CAD: variants seen among roughly 807,000 people sequenced by gnomAD.
The protein encoded by CAD is multifunctional protein CAD.
In CAD, 81 loss-of-function variants were observed where a neutral mutation model predicts 237.2. The ratio of observed to expected loss-of-function variants is 0.34; its 90% CI spans 0.29 to 0.41. The LOEUF (loss-of-function observed/expected upper bound fraction) is 0.41. Among genes scored for constraint, CAD ranks in the 10% least tolerant of loss-of-function variants. The pLI, the probability that CAD is intolerant of heterozygous loss-of-function variation, is 1.00. For missense variants in CAD, 2,181 were observed against 2,951.7 expected (o/e 0.74, Z 6.05); for synonymous variants, 1,196 against 1,162.8 (o/e 1.03, Z -0.58).
intron 3 of CAD, 151 bp downstream of exon 3, chr2:27,221,498 AT>A: frequency 1.4e-6 from 1 of 729,316 alleles, no homozygotes; most frequent in East Asian, 3.4e-5. Flanking sequence ...GAATTGAACT[AT>A]CACTCAGAAA....
At chr2:27,229,689 A>G (rs1188194293) in intron 15 of CAD, among the ~76,000 whole-genome samples, 1 of 151,850 alleles carries the variant, frequency 6.6e-6, no homozygotes, top group Non-Finnish European at 1.5e-5. Flanking sequence ...TAGCCTGGCC[A>G]ATATGGTGAA....
In CAD at chr2:27,240,613, G is replaced by A. The variant is rs912202595; in HGVS notation, c.5593+252G>A. On this transcript the variant is annotated intron_variant, in intron 35 of 43. Coordinates refer to ENST00000264705, the MANE Select transcript of CAD (RefSeq NM_004341.5). The surrounding 1 kb of genome is among the most constrained non-coding windows in gnomAD (Gnocchi z 4.6). ...CTGGGATCCCACGGGGCAGCAGAGC[G>A]TGGGGTAAATCCAGGTTGTTGGTTG... 19 of 1,543,614 alleles carry A rather than the reference G, an allele frequency of 1.2e-5. No homozygotes were observed. Among genetic ancestry groups the A allele is most frequent in the African/African-American group, 4.1e-5 (3 of 72,896 alleles).
In CAD at chr2:27,218,074, T is replaced by C. The variant is rs1231538190; in HGVS notation, c.222+58T>C. ...TTTCAAGTCAGTAATTGTTAACTAT[T>C]AGTGAAGTAGGAGACGTTGACACCC... On this transcript the variant is annotated intron_variant, in intron 2 of 43. Coordinates refer to ENST00000264705, the MANE Select transcript of CAD (RefSeq NM_004341.5). 25 of 1,470,284 alleles carry C rather than the reference T, an allele frequency of 1.7e-5. No homozygotes were observed. In the Admixed American group the frequency reaches 3.2e-4, roughly 19 times the overall value. 91.1% of individuals were successfully genotyped at this position (1,470,284 alleles called of 1,614,324 possible). A position where few individuals can be genotyped will look rare whatever the true frequency, so the allele number is the denominator to read the frequency against.
chr2:27,222,538 CA>C lies in CAD; in HGVS notation c.516del (p.Gly174ValfsTer36). The C allele has an allele frequency of 6.2e-7, 1 of 1,614,100 alleles. No homozygotes were observed. Among genetic ancestry groups the C allele is most frequent in the Non-Finnish European group, 8.5e-7 (1 of 1,179,976 alleles). On this transcript the variant is annotated frameshift_variant, in exon 5 of 44. Transcript: ENST00000264705. LOFTEE classifies it high-confidence loss of function. ...VSIKTPRVFN[T>X]GGAPRILALD... is the part of the protein sequence containing the mutation. Reference sequence around the variant, plus strand: ...TCTCAGACTCCACGGGTATTCAATACAGGGGGTGCCCCTCGGATCCTTGCTT... The same window carrying C: ...TCTCAGACTCCACGGGTATTCAATACGGGGGTGCCCCTCGGATCCTTGCTT...
In CAD at chr2:27,236,215, C is replaced by G; in HGVS notation, c.4075-69C>G. On this transcript the variant is annotated intron_variant, in intron 25 of 43. Transcript: ENST00000264705. This position sits in a 1 kb window ranked among gnomAD's most constrained non-coding sequence, Gnocchi z 4.1. ...ATCATGGGCTCCTGGGCCAGCTCCT[C>G]TCCCTTAAGGCTAGCCTTCCTGACC... 1.3e-6 allele frequency: 2 copies of G among 1,574,382 alleles called. No homozygotes were observed. Among genetic ancestry groups the G allele is most frequent in the East Asian group, 2.2e-5 (1 of 44,470 alleles).
At position 27,231,983 on chromosome 2, in the gene CAD, T is replaced by C; in HGVS notation, c.2404T>C (p.Leu802=). The C allele has an allele frequency of 1.2e-6, 2 of 1,614,014 alleles. No homozygotes were observed. The change falls in exon 17 of 44, where the codon TTG becomes CTG. Residue 802 remains leucine, a synonymous_variant. Coordinates refer to ENST00000264705, the MANE Select transcript of CAD (RefSeq NM_004341.5). ...CTGTCTACCCCCTTTCTATCAGGAG[T>C]TGGAGACTCCAACAGATAAGCGGAT... ...HTVKPVSDME[L]ETPTDKRIFV...
chr2:27,230,994 T>TTTTG (rs1020580155), intron 15 of CAD, among the ~76,000 whole-genome samples: 4 of 152,132 alleles, frequency 2.6e-5, no homozygotes, highest in African/African-American at 4.8e-5. Flanking sequence ...TAAGATTTCT[T>TTTTG]TTTGTTTGTT....
chr2:27,224,376 C>T lies in CAD; in HGVS notation c.1140C>T (p.Pro380=), dbSNP rs150506795. The change falls in exon 9 of 44, where the codon CCC becomes CCT. Residue 380 remains proline (P), a synonymous_variant. Coordinates refer to ENST00000264705, the MANE Select transcript of CAD (RefSeq NM_004341.5). ...VRERLTERLC[P]PGIPTPGSGL... is the part of the protein sequence containing the mutation. ...AGCGGCTGACTGAGCGCCTCTGTCCCCCTGGGATTCCCACTCCCGGCTCTG... is the reference window on the plus strand; with the variant it reads ...AGCGGCTGACTGAGCGCCTCTGTCCTCCTGGGATTCCCACTCCCGGCTCTG... The T allele has an allele frequency of 6.2e-7, 1 of 1,614,216 alleles. No homozygotes were observed. The highest frequency in any genetic ancestry group is 1.1e-5 in the South Asian group (1 of 91,084).
chr2:27,217,626 G>A lies in CAD; in HGVS notation c.75G>A (p.Gly25=), dbSNP rs747456303. ...TTGGGGCCGCCGTGTCGACTGCCGG[G>A]GAAGTGGGTAAGCAAGCCCGGTTAG... The part of the protein sequence containing the change: ...QPFGAAVSTA[G]EVVFQTGMVG... Residue 25 remains glycine, a synonymous_variant, in exon 1 of 44, where the codon GGG becomes GGA. Coordinates refer to ENST00000264705, the MANE Select transcript of CAD (RefSeq NM_004341.5). 6.2e-7 allele frequency: 1 copy of A among 1,606,544 alleles called. No individual in the cohort carries two copies. Among genetic ancestry groups the A allele is most frequent in the East Asian group, 2.3e-5 (1 of 44,410 alleles).
Position 27,235,866 on chromosome 2 carries a change from G to T in CAD, c.4074+226G>T. The T allele has an allele frequency of 8.4e-6, 4 of 476,356 alleles. No individual in the cohort carries two copies. The highest frequency in any genetic ancestry group is 2.2e-5 in the African/African-American group (1 of 44,794). The allele number at this position is 476,356 out of a possible 1,614,324, so 29.5% of individuals were successfully genotyped here. ...ACTCCAGCTTGGGAAACAGTGAGAT[G>T]CTGTCTCAAAAAAAAAAAAAACAAA... On this transcript the variant is annotated intron_variant, in intron 25 of 43. Transcript: ENST00000264705. The surrounding 1 kb of genome is among the most constrained non-coding windows in gnomAD (Gnocchi z 5.2).
chr2:27,241,402 G>A lies in CAD; in HGVS notation c.5883+6G>A. 6.2e-7 allele frequency: 1 copy of A among 1,614,108 alleles called. No homozygotes were observed. Among genetic ancestry groups the A allele is most frequent in the Non-Finnish European group, 8.5e-7 (1 of 1,179,942 alleles). ...GGAGCCTCGACATCCTGAAGGTCAG[G>A]ATCAGGGCCGGGGGTAGGGTCCAGG... On this transcript the variant is annotated splice_donor_region_variant and intron_variant, in intron 38 of 43. Transcript: ENST00000264705. The surrounding 1 kb of genome is among the most constrained non-coding windows in gnomAD (Gnocchi z 4.6).
At position 27,223,587 on chromosome 2, in the gene CAD, G is replaced by C. The variant is rs753199599; in HGVS notation, c.834G>C (p.Gln278His). The change falls in exon 7 of 44, where the codon CAG (glutamine) becomes CAC (histidine). Residue 278 changes from glutamine to histidine, a missense_variant. By Grantham distance (24) the Gln-to-His change is conservative (BLOSUM62 0). Coordinates refer to ENST00000264705, the MANE Select transcript of CAD (RefSeq NM_004341.5). Reference protein sequence around the residue: ...KMRYGNRGHNQPCLLVGSGRC... With the variant: ...KMRYGNRGHNHPCLLVGSGRC... ...GATATGGGAACCGAGGCCATAACCA[G>C]CCCTGCTTGTTGGTGGGCTCTGGGC... 6.2e-7 allele frequency: 1 copy of C among 1,613,254 alleles called. No individual in the cohort carries two copies. The highest frequency in any genetic ancestry group is 1.1e-5 in the South Asian group (1 of 91,034).
At chr2:27,234,732 A>T (rs1248026141) in intron 23 of CAD, 47 bp downstream of exon 23, 2 of 1,560,972 alleles carry the variant, frequency 1.3e-6, no homozygotes, top group Non-Finnish European at 1.8e-6. Context: ...ATAGCGGGAG[A>T]GAGTTCACTC....
Position 27,233,342 on chromosome 2 carries a change from C to A in CAD, c.3022C>A (p.Pro1008Thr). 6 of 1,614,184 alleles carry A rather than the reference C, an allele frequency of 3.7e-6. No homozygotes were observed. Among genetic ancestry groups the A allele is most frequent in the Non-Finnish European group, 5.1e-6 (6 of 1,180,018 alleles). ...VVMDIYELEN[P>T]EGVILSMGGQ... is the part of the protein sequence containing the mutation. ...GATGGACATCTATGAGCTCGAGAAC[C>A]CTGAAGGTGTGATCCTATCCATGGG... The change falls in exon 20 of 44, where the codon CCT becomes ACT. Residue 1008 changes from proline (P) to threonine (T), a missense_variant. Pro to Thr is a conservative substitution (Grantham distance 38). This residue lies in a region of CAD where 385 missense variants were observed against 535.1 expected (regional missense o/e 0.72). Transcript: ENST00000264705. The surrounding 1 kb of genome is among the most constrained non-coding windows in gnomAD (Gnocchi z 6.3).
In CAD at chr2:27,237,574, G is replaced by A. The variant is rs1338420026; in HGVS notation, c.4563+29G>A. 1.2e-6 allele frequency: 2 copies of A among 1,606,338 alleles called. No individual in the cohort carries two copies. Among genetic ancestry groups the A allele is most frequent in the Non-Finnish European group, 1.7e-6 (2 of 1,175,562 alleles). On this transcript the variant is annotated intron_variant, in intron 28 of 43. Coordinates refer to ENST00000264705, the MANE Select transcript of CAD (RefSeq NM_004341.5). This position sits in a 1 kb window ranked among gnomAD's most constrained non-coding sequence, Gnocchi z 4.0. ...AGCCACTGCACTCTTCCTGGTATTG[G>A]AGACCCATATGCCCCTACCAGCCAC... is the stretch of plus-strand genomic sequence containing the variant.
At chr2:27,223,846 C>G in intron 7 of CAD, 71 bp from the exon 8 acceptor site, 1 of 1,544,522 alleles carries the variant, frequency 6.5e-7, no homozygotes, top group Non-Finnish European at 8.9e-7. Flanking sequence ...CCCTGTCCCA[C>G]TACCCACCTC....
chr2:27,217,658 G>C, intron 1 of CAD, 25 bp downstream of exon 1: 1 of 1,579,438 alleles, frequency 6.3e-7, no homozygotes, highest in South Asian at 1.1e-5. Flanking sequence ...TTAGGCTGCA[G>C]ACCTTATCCC....
In CAD at chr2:27,217,617, G is replaced by A; in HGVS notation, c.66G>A (p.Ser22=). 1 of 1,607,116 alleles carries A rather than the reference G, an allele frequency of 6.2e-7. No homozygotes were observed. The highest frequency in any genetic ancestry group is 1.1e-5 in the South Asian group (1 of 89,806). The change falls in exon 1 of 44, where the codon TCG becomes TCA. Residue 22 remains serine, a synonymous_variant. Coordinates refer to ENST00000264705, the MANE Select transcript of CAD (RefSeq NM_004341.5). Reference sequence around the variant, plus strand: ...GCCAGCCCTTTGGGGCCGCCGTGTCGACTGCCGGGGAAGTGGGTAAGCAAG... The same window carrying A: ...GCCAGCCCTTTGGGGCCGCCGTGTCAACTGCCGGGGAAGTGGGTAAGCAAG... ...LRGQPFGAAV[S]TAGEVVFQTG...
intron 6 of CAD, 37 bp from the exon 7 acceptor site, chr2:27,223,526 G>A (rs1226427677): frequency 3.1e-6 from 5 of 1,596,866 alleles, no homozygotes; most frequent in Non-Finnish European, 4.3e-6. Context: ...AAGAGAGGGT[G>A]AGCAGGGCCT....
Sources: gnomAD v4.1 joint callset for allele counts (sites outside exome capture counted in the v4.1 genomes callset) on GRCh38, gnomAD v4.1.1 for gene constraint, gnomAD v4.1.1 regional missense constraint, Gnocchi (gnomAD v3.1) non-coding constraint, MANE v1.5 for transcripts, NCBI Gene and HGNC (gene_info 2026-07-23, HGNC 2026-07-21) for gene names.